The following CA8 variants were observed in gnomAD, a reference collection of about 807,000 sequenced individuals.
The protein encoded by CA8 is carbonic anhydrase-related protein.
In CA8, 22 loss-of-function variants were observed where a neutral mutation model predicts 41.4. The observed-to-expected ratio is 0.53, with a 90% CI of 0.38 to 0.76. The LOEUF (loss-of-function observed/expected upper bound fraction) is 0.76. Among genes scored for constraint, CA8 ranks in the 30% least tolerant of loss-of-function variants. The pLI, the probability that CA8 is intolerant of heterozygous loss-of-function variation, is 0.00. For synonymous variants in CA8, 121 were observed against 130.6 expected (o/e 0.93, Z 0.50); for missense variants, 270 against 352.8 (o/e 0.77, Z 1.88).
At chr8:60,278,158 A>G (rs112549591) in intron 2 of CA8, among the ~76,000 whole-genome samples, 2,949 of 152,288 alleles carry the variant, frequency 0.019, 83 homozygotes, top group African/African-American at 0.066. Context: ...GAAAATGGTA[A>G]GTTCAAATTG....
intron 2 of CA8, among the ~76,000 whole-genome samples, chr8:60,267,122 A>T (rs1294538789): frequency 3.9e-5 from 6 of 152,252 alleles, no homozygotes; most frequent in Admixed American, 3.3e-4. Flanking sequence ...TTGGTGCAAC[A>T]ATATTTACTT....
rs1585853186 is a variant in CA8 at position 60,208,679 on chromosome 8, A to G, written c.*35+71T>C. ...TTATTACTAAATTACCAGGATCACA[A>G]TAAGTGTACCTTTGGTACGCTAGGT... On this transcript the variant is annotated intron_variant, in intron 8 of 8. Coordinates refer to ENST00000317995, the MANE Select transcript of CA8 (RefSeq NM_004056.6). The G allele has an allele frequency of 4.7e-6, 6 of 1,285,194 alleles. No individual in the cohort carries two copies. In the Admixed American group the frequency reaches 5.1e-5, roughly 11 times the overall value. 79.6% of individuals were successfully genotyped at this position (1,285,194 alleles called of 1,614,324 possible).
intron 7 of CA8, among the ~76,000 whole-genome samples, chr8:60,212,882 T>C (rs1806885426): frequency 6.6e-6 from 1 of 152,222 alleles, no homozygotes; most frequent in South Asian, 2.1e-4. Flanking sequence ...CTTGATAAAA[T>C]GGTTCTTTAT....
chr8:60,249,017 T>C (rs1808351045), intron 3 of CA8, among the ~76,000 whole-genome samples: 1 of 152,204 alleles, frequency 6.6e-6, no homozygotes, highest in Non-Finnish European at 1.5e-5. Context: ...ATTCCCTTTG[T>C]AGCAATTGTG....
At chr8:60,264,108 G>A (rs918977570) in intron 3 of CA8, among the ~76,000 whole-genome samples, 1 of 152,172 alleles carries the variant, frequency 6.6e-6, no homozygotes, top group African/African-American at 2.4e-5. Context: ...TTAATGGACC[G>A]GAGCTGCTGA....
At chr8:60,229,506 A>G (rs925634321) in intron 4 of CA8, among the ~76,000 whole-genome samples, 2 of 152,064 alleles carry the variant, frequency 1.3e-5, no homozygotes, top group African/African-American at 2.4e-5. Context: ...TCTCCCAGGC[A>G]TCACCTCCTG....
At position 60,277,655 on chromosome 8, in the gene CA8, T is replaced by A. The variant is rs141815462; in HGVS notation, c.292+2034A>T. ...CACTTGTGAGCCATCACACCCAGCCTATTCAACTATTTTGTATATATTCTA... is the reference window on the plus strand; with the variant it reads ...CACTTGTGAGCCATCACACCCAGCCAATTCAACTATTTTGTATATATTCTA... On this transcript the variant is annotated intron_variant, in intron 2 of 8. Coordinates refer to ENST00000317995, the MANE Select transcript of CA8 (RefSeq NM_004056.6). 4.5e-3 allele frequency among the ~76,000 whole-genome samples: 686 copies of A among 152,314 alleles called. 5 individuals are homozygous for A. Among genetic ancestry groups the A allele is most frequent in the African/African-American group, 0.016 (647 of 41,572 alleles).
intron 3 of CA8, among the ~76,000 whole-genome samples, chr8:60,263,321 TA>T (rs11345369): frequency 0.51 from 67,844 of 132,864 alleles, 17,804 homozygotes; most frequent in African/African-American, 0.74. Flanking sequence ...GACTCCATCT[TA>T]AAAAAAAAAA....
At chr8:60,257,774 T>C (rs1428767532) in intron 3 of CA8, among the ~76,000 whole-genome samples, 1 of 152,234 alleles carries the variant, frequency 6.6e-6, no homozygotes, top group Non-Finnish European at 1.5e-5. Context: ...CACATAGTAG[T>C]TGATAAATAT....
intron 3 of CA8, among the ~76,000 whole-genome samples, chr8:60,261,245 C>A (rs893424041): frequency 1.3e-5 from 2 of 152,180 alleles, no homozygotes; most frequent in African/African-American, 4.8e-5. Context: ...TTGCCCTGTA[C>A]AATGAATTTT....
At chr8:60,208,609 T>G (rs1002505885) in intron 8 of CA8, 141 bp downstream of exon 8, 1 of 726,266 alleles carries the variant, frequency 1.4e-6, no homozygotes, top group Admixed American at 2.2e-5. Flanking sequence ...TTAACAGAGC[T>G]CAAGAATGTG....
intron 3 of CA8, among the ~76,000 whole-genome samples, chr8:60,244,749 T>C (rs1429715856): frequency 1.3e-5 from 2 of 152,218 alleles, no homozygotes; most frequent in Non-Finnish European, 2.9e-5. Context: ...TATCTGAAAA[T>C]GTTTTTAAAA....
intron 8 of CA8, among the ~76,000 whole-genome samples, chr8:60,192,936 T>TGC (rs202207474): frequency 3.2e-5 from 2 of 61,868 alleles, no homozygotes; most frequent in South Asian, 5.8e-4. Context: ...GTCAACATCA[T>TGC]GCACACACAC....
At chr8:60,205,147 T>G (rs1806538530) in intron 8 of CA8, among the ~76,000 whole-genome samples, 1 of 152,182 alleles carries the variant, frequency 6.6e-6, no homozygotes, top group African/African-American at 2.4e-5. Flanking sequence ...AACCCCATTT[T>G]TCTGGCTTTG....
At chr8:60,234,836 G>A (rs1807776272) in intron 3 of CA8, among the ~76,000 whole-genome samples, 1 of 152,148 alleles carries the variant, frequency 6.6e-6, no homozygotes, top group Non-Finnish European at 1.5e-5. Context: ...TCCTGCTTCT[G>A]ATAAACCTTC....
At chr8:60,258,840 C>T (rs1486580772) in intron 3 of CA8, among the ~76,000 whole-genome samples, 1 of 152,148 alleles carries the variant, frequency 6.6e-6, no homozygotes. Context: ...CAACAGGAGG[C>T]GGACTCAGGA....
chr8:60,210,475 T>G (rs889021818), intron 7 of CA8, among the ~76,000 whole-genome samples: 6 of 152,182 alleles, frequency 3.9e-5, no homozygotes, highest in Non-Finnish European at 8.8e-5. Context: ...TACATGTGCA[T>G]TTTCCTCAGG....
chr8:60,238,252 C>A (rs568321184), intron 3 of CA8, among the ~76,000 whole-genome samples: 2 of 152,086 alleles, frequency 1.3e-5, no homozygotes, highest in East Asian at 1.9e-4. Flanking sequence ...GCTATCTTCA[C>A]GACAAATGAG....
At chr8:60,268,869 T>C (rs1803981543) in intron 2 of CA8, among the ~76,000 whole-genome samples, 1 of 152,172 alleles carries the variant, frequency 6.6e-6, no homozygotes, top group South Asian at 2.1e-4. Context: ...TCAATACAAT[T>C]ACAATAAAGT....
Sources: allele counts gnomAD v4.1 joint callset (sites outside exome capture counted in the v4.1 genomes callset), GRCh38; gene constraint gnomAD v4.1.1; transcripts MANE v1.5; gene names NCBI Gene and HGNC (gene_info 2026-07-23, HGNC 2026-07-21).